The following STRN variants were observed in gnomAD, a reference collection of about 807,000 sequenced individuals.
STRN encodes the protein striatin.
In STRN, 53 loss-of-function variants were observed where a neutral mutation model predicts 96.3. The ratio of observed to expected loss-of-function variants is 0.55; its 90% CI spans 0.44 to 0.69. The LOEUF (loss-of-function observed/expected upper bound fraction) is 0.69. Ranked by LOEUF, STRN falls within the 30% of genes least tolerant of loss-of-function variation. STRN has a pLI of 0.00. For synonymous variants in STRN, 428 were observed against 355.9 expected (o/e 1.20, Z -2.28); for missense variants, 987 against 963.9 (o/e 1.02, Z -0.32).
chr2:36,862,370 G>A (rs1668511059), intron 12 of STRN, among the ~76,000 whole-genome samples: 1 of 152,228 alleles, frequency 6.6e-6, no homozygotes, highest in Admixed American at 6.5e-5. Context: ...CCTACCAGCA[G>A]CATTTAAGTG....
At chr2:36,903,357 G>C (rs929986235) in intron 4 of STRN, among the ~76,000 whole-genome samples, 2 of 152,198 alleles carry the variant, frequency 1.3e-5, no homozygotes, top group African/African-American at 4.8e-5. Flanking sequence ...TGTATTGAGA[G>C]CTAGATCTAG....
intron 16 of STRN, 59 bp from the exon 17 acceptor site, chr2:36,849,859 C>T (rs1668176476): frequency 5.8e-6 from 9 of 1,541,852 alleles, no homozygotes; most frequent in Non-Finnish European, 8.1e-6. Flanking sequence ...CAATATTTGC[C>T]AGCTACCATG....
At chr2:36,868,549 G>A (rs866427052) in intron 11 of STRN, among the ~76,000 whole-genome samples, 3 of 152,114 alleles carry the variant, frequency 2.0e-5, no homozygotes, top group Admixed American at 6.6e-5. Context: ...ACACTGTATC[G>A]CAGTTACGCA....
chr2:36,855,269 T>C lies in STRN; in HGVS notation c.1921A>G (p.Ile641Val). The part of the protein sequence containing the change: ...VASFSKGYTS[I>V]FNMETQQRIL... ...CGTTGTTGTGTTTCCATGTTAAAAA[T>C]GCTTGTATATCCCTTGCTGAATGAT... The change falls in exon 15 of 18, where the codon ATT becomes GTT. Residue 641 changes from isoleucine (I) to valine (V), a missense_variant. Ile to Val is a conservative substitution (Grantham distance 29). Transcript: ENST00000263918. 6.2e-7 allele frequency: 1 copy of C among 1,613,962 alleles called. No homozygotes were observed. The highest frequency in any genetic ancestry group is 8.5e-7 in the Non-Finnish European group (1 of 1,179,854).
At chr2:36,920,546 G>A (rs1488304178) in intron 2 of STRN, among the ~76,000 whole-genome samples, 1 of 151,212 alleles carries the variant, frequency 6.6e-6, no homozygotes, top group African/African-American at 2.4e-5. Flanking sequence ...GCTGAGGCAG[G>A]ATAATCTCTT....
chr2:36,932,385 C>A (rs544987066), intron 1 of STRN, among the ~76,000 whole-genome samples: 1 of 152,270 alleles, frequency 6.6e-6, no homozygotes, highest in African/African-American at 2.4e-5. Flanking sequence ...AAACTCCTGA[C>A]CTCGGGTGAT....
intron 2 of STRN, among the ~76,000 whole-genome samples, chr2:36,919,285 C>T (rs2148223012): frequency 6.6e-6 from 1 of 152,194 alleles, no homozygotes; most frequent in East Asian, 1.9e-4. Flanking sequence ...GCTATAAGGG[C>T]TACTAGCAAG....
intron 1 of STRN, among the ~76,000 whole-genome samples, chr2:36,952,207 T>C (rs1043948900): frequency 6.6e-6 from 1 of 152,204 alleles, no homozygotes; most frequent in African/African-American, 2.4e-5. Flanking sequence ...AAACAAATTT[T>C]TTAAGATACC....
rs767510263 is a variant in STRN at position 36,869,718 on chromosome 2, A to G, written c.1335T>C (p.Asn445=). ...TCCATGTCTTCCTCAATGCATCTTT[A>G]TTGTTTGCTATCTATTAAAGAAACA... ...ADSLTYDIAN[N]KDALRKTWNP... is the part of the protein sequence containing the mutation. The change falls in exon 11 of 18, where the codon AAT becomes AAC. Residue 445 remains asparagine (N), a synonymous_variant. Coordinates refer to ENST00000263918, the MANE Select transcript of STRN (RefSeq NM_003162.4). 6.2e-6 allele frequency: 10 copies of G among 1,600,408 alleles called. No homozygotes were observed. The highest frequency in any genetic ancestry group is 1.8e-5 in the Admixed American group (1 of 56,928).
chr2:36,886,588 T>G, intron 8 of STRN, 128 bp downstream of exon 8: 1 of 679,380 alleles, frequency 1.5e-6, no homozygotes, highest in Non-Finnish European at 2.4e-6. Context: ...TGAGAGCAGG[T>G]GAAAAGGAAA....
chr2:36,869,775 T>A (rs145385488), intron 10 of STRN, 46 bp from the exon 11 acceptor site: 7 of 1,409,834 alleles, frequency 5.0e-6, no homozygotes, highest in South Asian at 3.5e-5. Context: ...TAGTTAAGGA[T>A]AGGGGAAAAA....
At chr2:36,922,898 C>G (rs1355384407) in intron 2 of STRN, among the ~76,000 whole-genome samples, 1 of 152,182 alleles carries the variant, frequency 6.6e-6, no homozygotes, top group East Asian at 1.9e-4. Context: ...CCACCCAGCA[C>G]TTTGGGAGGC....
chr2:36,876,033 C>A (rs1668900111), intron 10 of STRN, among the ~76,000 whole-genome samples: 1 of 152,116 alleles, frequency 6.6e-6, no homozygotes, highest in Non-Finnish European at 1.5e-5. Context: ...TAGTGGGAGG[C>A]TGAGGCAGGT....
chr2:36,922,006 T>A (rs1274960849), intron 2 of STRN, among the ~76,000 whole-genome samples: 1 of 152,180 alleles, frequency 6.6e-6, no homozygotes, highest in African/African-American at 2.4e-5. Context: ...TTCTTTAATT[T>A]GGTAATATAC....
chr2:36,915,833 A>C (rs1670082534), intron 3 of STRN, among the ~76,000 whole-genome samples: 1 of 152,200 alleles, frequency 6.6e-6, no homozygotes, highest in African/African-American at 2.4e-5. Context: ...ATGAACTCTG[A>C]TCCTTCCAGT....
At chr2:36,865,948 G>C (rs1170305450) in intron 12 of STRN, among the ~76,000 whole-genome samples, 1 of 151,928 alleles carries the variant, frequency 6.6e-6, no homozygotes, top group Non-Finnish European at 1.5e-5. Flanking sequence ...TTGTAGCTTT[G>C]GTTTCATTAG....
At chr2:36,960,015 C>A (rs547866825) in intron 1 of STRN, among the ~76,000 whole-genome samples, 21 of 152,130 alleles carry the variant, frequency 1.4e-4, no homozygotes, top group Admixed American at 1.3e-3. Flanking sequence ...TATAACCTTT[C>A]TAAAATATAA....
chr2:36,964,947 C>T lies in STRN; in HGVS notation c.234+1283G>A, dbSNP rs1301110095. On this transcript the variant is annotated intron_variant, in intron 1 of 17. Coordinates refer to ENST00000263918, the MANE Select transcript of STRN (RefSeq NM_003162.4). ...TAAAATACATGATAAAACTGAAACCCAGAGAGGTTAAAGGATTTCCTCAAG... is the reference window on the plus strand; with the variant it reads ...TAAAATACATGATAAAACTGAAACCTAGAGAGGTTAAAGGATTTCCTCAAG... 1.4e-4 allele frequency among the ~76,000 whole-genome samples: 21 copies of T among 152,172 alleles called. 1 individual carries two copies. The highest frequency in any genetic ancestry group is 1.2e-3 in the Admixed American group (19 of 15,266).
At position 36,925,282 on chromosome 2, in the gene STRN, T is replaced by C. The variant is rs17020069; in HGVS notation, c.235-74A>G. ...GTTTTTTTAACTCAGTAAAGAACCA[T>C]TGGAAGTTTGAACAATTAGATGCAA... On this transcript the variant is annotated intron_variant, in intron 1 of 17. Transcript: ENST00000263918. The C allele has an allele frequency of 0.075, 73,766 of 982,106 alleles. 6,083 individuals carry two copies. The highest frequency in any genetic ancestry group is 0.36 in the African/African-American group (22,065 of 60,612). 60.8% of individuals were successfully genotyped at this position (982,106 alleles called of 1,614,324 possible).
Sources: gnomAD v4.1 joint callset for allele counts (sites outside exome capture counted in the v4.1 genomes callset) on GRCh38, gnomAD v4.1.1 for gene constraint, MANE v1.5 for transcripts, NCBI Gene and HGNC (gene_info 2026-07-23, HGNC 2026-07-21) for gene names.